The following SLC12A2 variants were observed in gnomAD, a reference collection of about 807,000 sequenced individuals.
The protein encoded by SLC12A2 is solute carrier family 12 member 2.
Under a neutral mutation model 136.3 loss-of-function variants are expected in SLC12A2, and 67 were observed. The observed-to-expected ratio is 0.49, with a 90% confidence interval of 0.40 to 0.60. The LOEUF (loss-of-function observed/expected upper bound fraction) is 0.60. Ranked by LOEUF, SLC12A2 falls within the 20% of genes least tolerant of loss-of-function variation. The probability of loss-of-function intolerance (pLI) is 0.00; values close to 1 mark genes in which losing one functional copy is unlikely to be tolerated. For missense variants in SLC12A2, 1,322 were observed against 1,534.7 expected, an observed-to-expected ratio of 0.86 and a Z score of 2.32; for synonymous variants, 619 against 562.9, an observed-to-expected ratio of 1.10 and a Z score of -1.41.
intron 11 of SLC12A2, among the ~76,000 whole-genome samples, chr5:128,147,947 T>C (rs929775886): frequency 9.2e-5 from 14 of 151,594 alleles, no homozygotes; most frequent in Admixed American, 2.6e-4. Flanking sequence ...TAAGGTATAT[T>C]CTTTGAGTCT....
In SLC12A2 at chr5:128,186,587, CTAGTTCG is replaced by C; in HGVS notation, c.3597_3603del (p.Val1200GlyfsTer53). 6.2e-6 allele frequency: 10 copies of C among 1,613,936 alleles called. No homozygotes were observed. The highest frequency in any genetic ancestry group is 8.5e-6 in the Non-Finnish European group (10 of 1,179,930). On this transcript the variant is annotated frameshift_variant, in exon 27 of 27. Coordinates refer to ENST00000262461, the MANE Select transcript of SLC12A2 (RefSeq NM_001046.3). LOFTEE classifies it high-confidence loss of function. The stretch of plus-strand genomic sequence containing the variant: ...ATCTAAGGACCTACCACCAATCCTC[CTAGTTCG>C]TGGGAATCATCAGAGTGTCCTTACC...
chr5:128,115,049 C>T (rs1048898521), intron 4 of SLC12A2, among the ~76,000 whole-genome samples: 2 of 152,208 alleles, frequency 1.3e-5, no homozygotes, highest in Non-Finnish European at 2.9e-5. Flanking sequence ...CCTCCATCCC[C>T]TATTGAGGAA....
chr5:128,121,695 A>G (rs1418366145), intron 4 of SLC12A2, among the ~76,000 whole-genome samples: 10 of 152,154 alleles, frequency 6.6e-5, no homozygotes, highest in Admixed American at 5.2e-4. Flanking sequence ...CTTCCACATA[A>G]GAATAGCAGT....
rs1017097469 is a variant in SLC12A2, at chr5:128,084,067, C to T, written c.113C>T (p.Ala38Val). 1.4e-5 allele frequency: 19 copies of T among 1,317,198 alleles called. No individual in the cohort carries two copies. The highest frequency in any genetic ancestry group is 1.7e-5 in the Non-Finnish European group (18 of 1,037,116). 81.6% of individuals were successfully genotyped at this position (1,317,198 alleles called of 1,614,324 possible). The change falls in exon 1 of 27, where the codon GCT (alanine) becomes GTT (valine). Residue 38 changes from alanine to valine, a missense_variant. By Grantham distance (64) the Ala-to-Val change is moderately conservative. This residue lies in a region of SLC12A2 where 358 missense variants were observed against 299.7 expected (regional missense o/e 1.19). Transcript: ENST00000262461. The surrounding 1 kb of genome is among the most constrained non-coding windows in gnomAD (Gnocchi z 5.6). ...GCCAGGGTGGAACTGCCCGGCACGG[C>T]TGTGCCCTCGGTGCCGGAGGATGCT... The part of the protein sequence containing the change: ...AAARVELPGT[A>V]VPSVPEDAAP...
At chr5:128,123,895 C>A (rs531502394) in intron 4 of SLC12A2, among the ~76,000 whole-genome samples, 6 of 152,204 alleles carry the variant, frequency 3.9e-5, no homozygotes, top group South Asian at 4.1e-4. Flanking sequence ...TCTGTGTTTT[C>A]TTCTAGAGGT....
At chr5:128,167,262 T>A (rs1038634730) in intron 17 of SLC12A2, among the ~76,000 whole-genome samples, 1 of 152,046 alleles carries the variant, frequency 6.6e-6, no homozygotes, top group African/African-American at 2.4e-5. Flanking sequence ...CAAGAAAAAT[T>A]GATGGAATAA....
At chr5:128,179,612 C>T (rs1763638392) in intron 22 of SLC12A2, among the ~76,000 whole-genome samples, 1 of 152,128 alleles carries the variant, frequency 6.6e-6, no homozygotes, top group Non-Finnish European at 1.5e-5. Context: ...GGAACAGGCA[C>T]ATCACATGAT....
chr5:128,126,956 ATATAT>A (rs1761819224), intron 4 of SLC12A2, among the ~76,000 whole-genome samples: 1 of 29,104 alleles, frequency 3.4e-5, no homozygotes, highest in Non-Finnish European at 5.9e-5. Context: ...ATATATATAT[ATATAT>A]ATATATTTTT....
chr5:128,178,570 C>G lies in SLC12A2; in HGVS notation c.2981C>G (p.Ser994Cys). The G allele has an allele frequency of 6.4e-7, 1 of 1,561,636 alleles. No homozygotes were observed. Among genetic ancestry groups the G allele is most frequent in the Non-Finnish European group, 8.6e-7 (1 of 1,160,520 alleles). Residue 994 changes from serine (S) to cysteine (C), a missense_variant, in exon 22 of 27, where the codon TCC (serine) becomes TGC (cysteine). Ser to Cys is a moderately radical substitution (Grantham distance 112). Around this residue, in one of 8 missense-constraint regions of SLC12A2, gnomAD observed 226 missense variants for 210.4 expected, o/e 1.07. Coordinates refer to ENST00000262461, the MANE Select transcript of SLC12A2 (RefSeq NM_001046.3). Reference sequence around the variant, plus strand: ...TATATTTTGCTTAATCCTTTAGAATCCAAAGGCCCTATTGTGCCTTTAAAT... The same window carrying G: ...TATATTTTGCTTAATCCTTTAGAATGCAAAGGCCCTATTGTGCCTTTAAAT... ...TATQPLLKKESKGPIVPLNVA... is the reference protein window; with the variant it reads ...TATQPLLKKECKGPIVPLNVA...
At chr5:128,145,759 T>A (rs1368871843) in intron 10 of SLC12A2, among the ~76,000 whole-genome samples, 1 of 152,066 alleles carries the variant, frequency 6.6e-6, no homozygotes. Context: ...TTGTACCCGT[T>A]GCTAACTTTC....
chr5:128,100,052 T>C (rs1760691776), intron 1 of SLC12A2, among the ~76,000 whole-genome samples: 1 of 152,202 alleles, frequency 6.6e-6, no homozygotes, highest in African/African-American at 2.4e-5. Context: ...GCTATACTTT[T>C]ATATTACTGT....
At chr5:128,089,185 A>G (rs1198326436) in intron 1 of SLC12A2, among the ~76,000 whole-genome samples, 1 of 151,322 alleles carries the variant, frequency 6.6e-6, no homozygotes, top group Non-Finnish European at 1.5e-5. Context: ...AAAAAAAAAA[A>G]AGAAAGAAAC....
At chr5:128,129,107 T>C (rs1369022525) in intron 4 of SLC12A2, among the ~76,000 whole-genome samples, 2 of 152,096 alleles carry the variant, frequency 1.3e-5, no homozygotes, top group Non-Finnish European at 2.9e-5. Context: ...ATATTTCTGA[T>C]TCTAAAGTTT....
At position 128,174,776 on chromosome 5, in the gene SLC12A2, A is replaced by G. The variant is rs1277383550; in HGVS notation, c.2929+110A>G. On this transcript the variant is annotated intron_variant, in intron 20 of 26. Coordinates refer to ENST00000262461, the MANE Select transcript of SLC12A2 (RefSeq NM_001046.3). ...AAAAATAACCTGTTCTCAAACTTGT[A>G]CTGGTCATTTCTAGCTGGTCAGGTA... The G allele has an allele frequency of 4.6e-6, 4 of 868,972 alleles. No individual in the cohort carries two copies. The African/African-American group carries it at 5.3e-5, about 11-fold the overall frequency. 53.8% of individuals were successfully genotyped at this position (868,972 alleles called of 1,614,324 possible). A position where few individuals can be genotyped will look rare whatever the true frequency, so the allele number is the denominator to read the frequency against.
At chr5:128,142,533 T>C (rs993582562) in intron 10 of SLC12A2, among the ~76,000 whole-genome samples, 44 of 152,220 alleles carry the variant, frequency 2.9e-4, no homozygotes, top group African/African-American at 1.0e-3. Context: ...GCATGTAATA[T>C]ATATATATAT....
At chr5:128,172,702 T>G (rs1763416443) in intron 19 of SLC12A2, among the ~76,000 whole-genome samples, 1 of 152,226 alleles carries the variant, frequency 6.6e-6, no homozygotes, top group African/African-American at 2.4e-5. Flanking sequence ...GGCCCATGCC[T>G]GTAATCCCAG....
intron 26 of SLC12A2, among the ~76,000 whole-genome samples, chr5:128,185,276 C>G (rs909664701): frequency 6.6e-6 from 1 of 152,170 alleles, no homozygotes; most frequent in Non-Finnish European, 1.5e-5. Flanking sequence ...TGATTCCTAT[C>G]TGGATCCCCA....
At chr5:128,168,413 TC>T (rs1763270891) in intron 18 of SLC12A2, 1 of 152,218 alleles carries the variant, frequency 6.6e-6, no homozygotes, top group Admixed American at 6.6e-5. Context: ...CACTGTAACT[TC>T]CGTTTTTTGC....
chr5:128,114,320 A>G (rs1355570044), intron 3 of SLC12A2, 33 bp downstream of exon 3: 1 of 1,489,536 alleles, frequency 6.7e-7, no homozygotes, highest in Non-Finnish European at 9.4e-7. Flanking sequence ...TGATTTGAGA[A>G]TAAGCAAAAT....
Sources: allele counts gnomAD v4.1 joint callset (sites outside exome capture counted in the v4.1 genomes callset), GRCh38; gene constraint gnomAD v4.1.1; regional missense constraint gnomAD v4.1.1; non-coding constraint Gnocchi (gnomAD v3.1); transcripts MANE v1.5; gene names NCBI Gene and HGNC (gene_info 2026-07-23, HGNC 2026-07-21).